Variants in ABCA13 observed in about 807,000 individuals in gnomAD.
ABCA13 encodes ATP binding cassette subfamily A member 13, also known as ATP-binding cassette sub-family A member 13.
In ABCA13, 476 loss-of-function variants were observed where a neutral mutation model predicts 478.7. The observed-to-expected ratio is 0.99, with a 90% confidence interval of 0.92 to 1.07. The LOEUF is 1.07. Ranked by LOEUF, ABCA13 falls within the 50% of genes least tolerant of loss-of-function variation. The pLI is 0.00. For synonymous variants in ABCA13, 2,252 were observed against 2,158.9 expected, an observed-to-expected ratio of 1.04 and a Z score of -1.20; for missense variants, 6,060 against 5,910.6, an observed-to-expected ratio of 1.03 and a Z score of -0.83.
intron 43 of ABCA13, among the ~76,000 whole-genome samples, chr7:48,462,884 C>T (rs187199463): frequency 4.9e-4 from 74 of 152,268 alleles, no homozygotes; most frequent in Middle Eastern, 3.4e-3. Flanking sequence ...TTTAGAACTC[C>T]TAGCACATCT....
At chr7:48,342,528 G>A (rs561281301) in intron 29 of ABCA13, among the ~76,000 whole-genome samples, 25 of 151,924 alleles carry the variant, frequency 1.6e-4, no homozygotes, top group South Asian at 6.2e-4. Flanking sequence ...ATTTCTTTCC[G>A]GAAGTTTTTC....
rs145335526 is a variant in ABCA13 at position 48,432,192 on chromosome 7, A to G, written c.12565+4321A>G. Among the ~76,000 whole-genome samples the G allele has an allele frequency of 7.5e-4, 114 of 152,338 alleles. 1 individual carries two copies. Among genetic ancestry groups the G allele is most frequent in the African/African-American group, 2.6e-3 (107 of 41,588 alleles). ...AGATAGACATTTCTCAAAGGAAGACATGCAAATGGCCAACAGGTATATGAA... is the reference window on the plus strand; with the variant it reads ...AGATAGACATTTCTCAAAGGAAGACGTGCAAATGGCCAACAGGTATATGAA... On this transcript the variant is annotated intron_variant, in intron 42 of 61. Transcript: ENST00000435803.
intron 42 of ABCA13, among the ~76,000 whole-genome samples, chr7:48,437,112 G>A (rs183183820): frequency 6.6e-6 from 1 of 151,942 alleles, no homozygotes; most frequent in African/African-American, 2.4e-5. Flanking sequence ...TATTGAGAGT[G>A]AGGTATTGAG....
rs954665480 is a variant in ABCA13 at position 48,309,863 on chromosome 7, C to T, written c.9322-84C>T. On this transcript the variant is annotated intron_variant, in intron 23 of 61. Coordinates refer to ENST00000435803, the MANE Select transcript of ABCA13 (RefSeq NM_152701.5). ...TGGGAAATCCACTCTTGGGCGACTC[C>T]CTGCCGATGAAGCTCCGGTCTGAGG... The T allele has an allele frequency of 4.0e-6, 6 of 1,506,676 alleles. No individual in the cohort carries two copies. In the African/African-American group the frequency reaches 6.9e-5, roughly 17 times the overall value. The allele number at this position is 1,506,676 out of a possible 1,614,324, so 93.3% of individuals were successfully genotyped here.
chr7:48,204,458 C>G, intron 3 of ABCA13, among the ~76,000 whole-genome samples: 1 of 152,010 alleles, frequency 6.6e-6, no homozygotes, highest in Non-Finnish European at 1.5e-5. Flanking sequence ...CGATCTGCCC[C>G]CCTTGGCCTC....
At chr7:48,271,393 A>G (rs1229937674) in intron 16 of ABCA13, among the ~76,000 whole-genome samples, 1 of 152,204 alleles carries the variant, frequency 6.6e-6, no homozygotes, top group South Asian at 2.1e-4. Flanking sequence ...CTGAAACCCT[A>G]CAGGCATGGT....
chr7:48,550,677 T>C (rs67845756), intron 55 of ABCA13, among the ~76,000 whole-genome samples: 21,227 of 151,604 alleles, frequency 0.14, 2,055 homozygotes, highest in African/African-American at 0.23. Context: ...ATCCATCTAT[T>C]TATCTATCTA....
intron 3 of ABCA13, among the ~76,000 whole-genome samples, chr7:48,217,742 C>T (rs1305106533): frequency 2.0e-5 from 3 of 152,150 alleles, no homozygotes; most frequent in African/African-American, 7.2e-5. Flanking sequence ...AGCATTGGTT[C>T]CTGGCCCTTT....
At chr7:48,193,149 T>A in intron 2 of ABCA13, 97 bp downstream of exon 2, 1 of 838,334 alleles carries the variant, frequency 1.2e-6, no homozygotes, top group Non-Finnish European at 1.9e-6. Context: ...GAATGCTGAG[T>A]GAAATGAATA....
chr7:48,612,553 A>G (rs186273135), intron 58 of ABCA13, among the ~76,000 whole-genome samples: 131 of 152,296 alleles, frequency 8.6e-4, no homozygotes, highest in African/African-American at 3.1e-3. Flanking sequence ...TACCATTGCT[A>G]TACTATGAAC....
intron 39 of ABCA13, among the ~76,000 whole-genome samples, chr7:48,409,596 C>T (rs1347724187): frequency 6.6e-6 from 1 of 152,164 alleles, no homozygotes; most frequent in Non-Finnish European, 1.5e-5. Context: ...GATGCTGCTA[C>T]TTGGAATAAT....
chr7:48,644,730 C>A lies in ABCA13; in HGVS notation c.15057C>A (p.Ser5019=). The A allele has an allele frequency of 6.2e-7, 1 of 1,604,230 alleles. No individual in the cohort carries two copies. The highest frequency in any genetic ancestry group is 8.5e-7 in the Non-Finnish European group (1 of 1,177,292). ...NKTFLNIKHY[S]INQTTLEQVF... ...CCTTCTTGAATATTAAGCATTATTC[C>A]ATTAACCAAACCACTTTGGAGCAGG... Residue 5019 remains serine, a synonymous_variant, in exon 61 of 62, where the codon TCC becomes TCA. Transcript: ENST00000435803.
intron 53 of ABCA13, among the ~76,000 whole-genome samples, chr7:48,522,096 G>A (rs1254671095): frequency 6.6e-6 from 1 of 152,150 alleles, no homozygotes; most frequent in Non-Finnish European, 1.5e-5. Flanking sequence ...CCGTGTTTCT[G>A]TTACGCCCTC....
intron 38 of ABCA13, among the ~76,000 whole-genome samples, chr7:48,394,875 A>C (rs1435846511): frequency 6.6e-6 from 1 of 152,138 alleles, no homozygotes; most frequent in Admixed American, 6.5e-5. Context: ...GGTGCAAACA[A>C]TGAAGCTGAA....
intron 26 of ABCA13, among the ~76,000 whole-genome samples, chr7:48,316,309 C>T (rs1423187959): frequency 6.6e-6 from 1 of 152,088 alleles, no homozygotes; most frequent in Non-Finnish European, 1.5e-5. Context: ...AAGCTAACTT[C>T]ATAAAAAAAG....
At chr7:48,605,050 C>A (rs1196263588) in intron 58 of ABCA13, among the ~76,000 whole-genome samples, 1 of 152,122 alleles carries the variant, frequency 6.6e-6, no homozygotes, top group Non-Finnish European at 1.5e-5. Flanking sequence ...GGATTGCAAT[C>A]TCTGCTTTCT....
At chr7:48,229,778 T>C (rs1788778509) in intron 6 of ABCA13, 47 bp from the exon 7 acceptor site, 2 of 1,609,962 alleles carry the variant, frequency 1.2e-6, no homozygotes, top group African/African-American at 1.3e-5. Flanking sequence ...GCTACTTGTT[T>C]TGCTAACTAC....
chr7:48,519,911 T>A (rs1342401083), intron 52 of ABCA13, 130 bp from the exon 53 acceptor site: 2 of 879,680 alleles, frequency 2.3e-6, no homozygotes, highest in Admixed American at 6.4e-5. Flanking sequence ...TCTGAGAATA[T>A]CAGTGAATAG....
chr7:48,206,358 A>G (rs1342786800), intron 3 of ABCA13, among the ~76,000 whole-genome samples: 4 of 152,360 alleles, frequency 2.6e-5, no homozygotes, highest in Non-Finnish European at 4.4e-5. Flanking sequence ...GTACAATGAC[A>G]TGCTGTACAG....
Sources: gnomAD v4.1 joint callset for allele counts (sites outside exome capture counted in the v4.1 genomes callset) on GRCh38, gnomAD v4.1.1 for gene constraint, MANE v1.5 for transcripts, NCBI Gene and HGNC (gene_info 2026-07-23, HGNC 2026-07-21) for gene names.